Variants in PCDH15 observed in about 807,000 individuals in gnomAD.
PCDH15 encodes the protein protocadherin related 15.
A neutral mutation model predicts 178.5 loss-of-function variants in PCDH15; 129 were observed. The observed-to-expected ratio is 0.72, with a 90% CI of 0.63 to 0.84. PCDH15 has a LOEUF of 0.84. Ranked by LOEUF, PCDH15 falls within the 40% of genes least tolerant of loss-of-function variation. The probability of loss-of-function intolerance (pLI) is 0.00; values close to 1 mark genes in which losing one functional copy is unlikely to be tolerated. For synonymous variants in PCDH15, 800 were observed against 732.0 expected, an observed-to-expected ratio of 1.09 and a Z score of -1.50; for missense variants, 2,230 against 2,099.9, an observed-to-expected ratio of 1.06 and a Z score of -1.21.
intron 23 of PCDH15, among the ~76,000 whole-genome samples, chr10:53,958,853 C>T (rs1024416331): frequency 6.6e-6 from 1 of 151,510 alleles, no homozygotes; most frequent in African/African-American, 2.4e-5. Context: ...GTGGTGGGCA[C>T]CTGTAGTCCC....
At chr10:55,523,012 T>C (rs2132167235) in intron 2 of PCDH15, among the ~76,000 whole-genome samples, 1 of 151,834 alleles carries the variant, frequency 6.6e-6, no homozygotes, top group Non-Finnish European at 1.5e-5. Flanking sequence ...GAGATTTACA[T>C]AAAACATAGT....
At chr10:54,185,408 A>ATAGT in intron 11 of PCDH15, 140 bp from the exon 12 acceptor site, 1 of 961,588 alleles carries the variant, frequency 1.0e-6, no homozygotes, top group Non-Finnish European at 1.6e-6. Flanking sequence ...AAGATATTTA[A>ATAGT]CTAGATATTT....
At chr10:54,635,030 G>A (rs2093810651) in intron 2 of PCDH15, among the ~76,000 whole-genome samples, 2 of 151,652 alleles carry the variant, frequency 1.3e-5, no homozygotes, top group South Asian at 4.1e-4. Context: ...CATCATTGAT[G>A]TCTTACAGCC....
rs138632005 is a variant in PCDH15 at position 54,956,947 on chromosome 10, T to A, written c.-79-59447A>T. Among the ~76,000 whole-genome samples the A allele has an allele frequency of 6.4e-3, 975 of 151,756 alleles. 11 individuals are homozygous for A. Among genetic ancestry groups the A allele is most frequent in the African/African-American group, 0.022 (920 of 41,502 alleles). On this transcript the variant is annotated intron_variant, in intron 2 of 5. Transcript: ENST00000458638. ...AATGGTGGAACCAGGAAGGGAACCT[T>A]TATCTGTCCAAAGCTGAACCACTGT...
intron 25 of PCDH15, among the ~76,000 whole-genome samples, chr10:53,914,061 A>G (rs1047451980): frequency 9.2e-5 from 14 of 152,120 alleles, no homozygotes; most frequent in African/African-American, 2.9e-4. Context: ...AAACCACAAT[A>G]AGATACCATC....
chr10:54,951,009 A>G (rs1838324348), intron 2 of PCDH15, among the ~76,000 whole-genome samples: 1 of 151,942 alleles, frequency 6.6e-6, no homozygotes, highest in African/African-American at 2.4e-5. Flanking sequence ...AGGTTCCCCT[A>G]TTCTTAATAT....
At chr10:54,945,604 G>A (rs1838178894) in intron 2 of PCDH15, among the ~76,000 whole-genome samples, 1 of 151,424 alleles carries the variant, frequency 6.6e-6, no homozygotes, top group African/African-American at 2.4e-5. Flanking sequence ...TTGGAACCAT[G>A]GTATTAAAGA....
At position 55,434,402 on chromosome 10, in the gene PCDH15, A is replaced by C. The variant is rs1838981748; in HGVS notation, c.-156+193223T>G. 2.0e-5 allele frequency among the ~76,000 whole-genome samples: 3 copies of C among 151,904 alleles called. 1 individual carries two copies. The highest frequency in any genetic ancestry group is 1.5e-5 in the Non-Finnish European group (1 of 67,992). ...CTATTGCTTTTGTTCTTGGCTAATT[A>C]TATCTCCATATTTATATTGAAATGA... is the stretch of plus-strand genomic sequence containing the variant. On this transcript the variant is annotated intron_variant, in intron 2 of 5. Transcript: ENST00000613346.
chr10:53,892,865 G>A (rs2133510743), intron 26 of PCDH15, among the ~76,000 whole-genome samples: 1 of 152,218 alleles, frequency 6.6e-6, no homozygotes, highest in African/African-American at 2.4e-5. Context: ...ATACAGTGTA[G>A]AAACAGAATA....
At chr10:54,997,906 C>A (rs1393439744) in intron 2 of PCDH15, among the ~76,000 whole-genome samples, 1 of 151,940 alleles carries the variant, frequency 6.6e-6, no homozygotes, top group African/African-American at 2.4e-5. Flanking sequence ...TGGGTCATTT[C>A]CAATTAAGAA....
chr10:54,964,073 G>A (rs1838721205), intron 2 of PCDH15, among the ~76,000 whole-genome samples: 1 of 152,192 alleles, frequency 6.6e-6, no homozygotes, highest in Admixed American at 6.5e-5. Flanking sequence ...CAAGACTAGT[G>A]AGGCGTCTTG....
At chr10:53,835,186 T>TCAGA (rs1199682321) in intron 29 of PCDH15, among the ~76,000 whole-genome samples, 1 of 152,188 alleles carries the variant, frequency 6.6e-6, no homozygotes. Flanking sequence ...AGAGGCTTTA[T>TCAGA]CAGAGCCTGT....
chr10:54,397,784 T>A (rs2135427831), intron 3 of PCDH15, among the ~76,000 whole-genome samples: 1 of 152,098 alleles, frequency 6.6e-6, no homozygotes, highest in South Asian at 2.1e-4. Context: ...TTCTTACATA[T>A]TAGCCAAAAG....
At chr10:54,530,873 G>A (rs2083837234) in intron 2 of PCDH15, among the ~76,000 whole-genome samples, 1 of 152,102 alleles carries the variant, frequency 6.6e-6, no homozygotes, top group African/African-American at 2.4e-5. Flanking sequence ...TAATAACATT[G>A]TTCATAACAA....
chr10:53,998,399 A>C (rs2091958530), intron 20 of PCDH15, among the ~76,000 whole-genome samples: 1 of 152,206 alleles, frequency 6.6e-6, no homozygotes, highest in African/African-American at 2.4e-5. Context: ...TCCATGTGTC[A>C]AGCAAATAAA....
At position 54,183,536 on chromosome 10, in the gene PCDH15, T is replaced by A. The variant is rs749139039; in HGVS notation, c.1498A>T (p.Met500Leu). 6.2e-7 allele frequency: 1 copy of A among 1,613,898 alleles called. No homozygotes were observed. The highest frequency in any genetic ancestry group is 8.5e-7 in the Non-Finnish European group (1 of 1,179,946). ...GTTGGCGTGTTATCATTTGCATCCA[T>A]CACTTGAATATTGACGATGACTGGC... ...SEPVIVNIQV[M>L]DANDNTPTFP... Residue 500 changes from methionine to leucine, a missense_variant, in exon 13 of 38, where the codon ATG (methionine) becomes TTG (leucine). Transcript: ENST00000644397.
rs776819460 is a variant in PCDH15 at position 54,153,097 on chromosome 10, T to C, written c.1784+3A>G. ...AGACTGCATTGGTTCTAATATAAAT[T>C]ACCTTCGCTCTGCAGGAGGAGCATT... On this transcript the variant is annotated splice_donor_region_variant and intron_variant, in intron 14 of 37. Transcript: ENST00000644397. The C allele has an allele frequency of 3.7e-6, 6 of 1,613,666 alleles. No individual in the cohort carries two copies. The South Asian group carries it at 5.5e-5, about 15-fold the overall frequency.
At position 53,806,516 on chromosome 10, in the gene PCDH15, T is replaced by C; in HGVS notation, c.*63A>G. ...CCATACATTGTTTTCTCAGTGACAA[T>C]AAAAAGCACAGTTTATTAAAAATGT... On this transcript the variant is annotated 3_prime_UTR_variant, in exon 38 of 38. Transcript: ENST00000644397. The C allele has an allele frequency of 7.4e-7, 1 of 1,342,836 alleles. No homozygotes were observed. The highest frequency in any genetic ancestry group is 1.5e-5 in the South Asian group (1 of 67,266). 83.2% of individuals were successfully genotyped at this position (1,342,836 alleles called of 1,614,324 possible).
intron 26 of PCDH15, among the ~76,000 whole-genome samples, chr10:53,892,073 G>A (rs988570870): frequency 2.5e-4 from 35 of 139,900 alleles, no homozygotes; most frequent in African/African-American, 7.7e-4. Flanking sequence ...CGCCCAGGCC[G>A]GAGTGCCGTG....
Sources: gnomAD v4.1 joint callset for allele counts (sites outside exome capture counted in the v4.1 genomes callset) on GRCh38, gnomAD v4.1.1 for gene constraint, MANE v1.5 for transcripts, NCBI Gene and HGNC (gene_info 2026-07-23, HGNC 2026-07-21) for gene names.